Variants in RBM33 observed in about 807,000 individuals in gnomAD.
RBM33 encodes the protein RNA binding motif protein 33.
RBM33 carries 28 observed loss-of-function variants against 132.6 expected under a neutral mutation model. That is an observed-to-expected ratio of 0.21 (90% CI 0.16 to 0.29). RBM33 has a LOEUF of 0.29. Among genes scored for constraint, RBM33 ranks in the 10% least tolerant of loss-of-function variants. RBM33 has a pLI of 1.00. For missense variants in RBM33, 1,291 were observed against 1,518.5 expected (o/e 0.85, Z 2.49); for synonymous variants, 634 against 593.0 (o/e 1.07, Z -1.01).
intron 13 of RBM33, among the ~76,000 whole-genome samples, chr7:155,742,863 T>A (rs920388388): frequency 6.6e-6 from 1 of 152,220 alleles, no homozygotes; most frequent in African/African-American, 2.4e-5. Context: ...GGGCGGCCTG[T>A]GCAGAAGGCT....
chr7:155,775,278 AC>A lies in RBM33; in HGVS notation c.*238del. 1.6e-6 allele frequency: 1 copy of A among 629,162 alleles called. No homozygotes were observed. Among genetic ancestry groups the A allele is most frequent in the African/African-American group, 1.8e-5 (1 of 54,436 alleles). The allele number at this position is 629,162 out of a possible 1,614,324, so 39.0% of individuals were successfully genotyped here. A position where few individuals can be genotyped will look rare whatever the true frequency, so the allele number is the denominator to read the frequency against. On this transcript the variant is annotated 3_prime_UTR_variant, in exon 18 of 18. Coordinates refer to ENST00000401878, the MANE Select transcript of RBM33 (RefSeq NM_053043.3). ...TCACATTCTCTTGTCACCACCAAGA[AC>A]TCCAAGTTTTTCGTTTTGTTTTGTT...
chr7:155,759,649 G>A (rs1046370733), intron 14 of RBM33, among the ~76,000 whole-genome samples: 3 of 152,030 alleles, frequency 2.0e-5, no homozygotes, highest in African/African-American at 7.2e-5. Flanking sequence ...TCGATCTCCT[G>A]ACCTCGTGAT....
At chr7:155,767,866 C>G (rs774808432) in intron 16 of RBM33, among the ~76,000 whole-genome samples, 3 of 152,198 alleles carry the variant, frequency 2.0e-5, no homozygotes, top group Non-Finnish European at 4.4e-5. Flanking sequence ...ACGGTAGACA[C>G]TAGAGCATTT....
At chr7:155,734,785 C>A (rs1479295590) in intron 9 of RBM33, among the ~76,000 whole-genome samples, 2 of 152,056 alleles carry the variant, frequency 1.3e-5, no homozygotes, top group Non-Finnish European at 2.9e-5. Context: ...TATTCAGAAC[C>A]ACCATTGCCA....
intron 13 of RBM33, among the ~76,000 whole-genome samples, chr7:155,742,558 G>T (rs1039250260): frequency 2.0e-5 from 3 of 152,190 alleles, no homozygotes; most frequent in Non-Finnish European, 4.4e-5. Flanking sequence ...AGCCTGTGGG[G>T]TGTCATGTGC....
chr7:155,736,096 A>G (rs1321297490), intron 9 of RBM33, among the ~76,000 whole-genome samples: 2 of 152,234 alleles, frequency 1.3e-5, no homozygotes, highest in Non-Finnish European at 2.9e-5. Flanking sequence ...TTTGTAGCCA[A>G]CAATCTTAAG....
At chr7:155,748,779 G>A (rs1801600434) in intron 14 of RBM33, among the ~76,000 whole-genome samples, 1 of 151,872 alleles carries the variant, frequency 6.6e-6, no homozygotes, top group African/African-American at 2.4e-5. Context: ...CCCCTTTGTG[G>A]CTGCTGCTGC....
intron 6 of RBM33, 130 bp downstream of exon 6, chr7:155,701,074 G>A (rs529949449): frequency 9.2e-6 from 7 of 759,168 alleles, no homozygotes; most frequent in African/African-American, 3.5e-5. Flanking sequence ...GAGAGTGGCC[G>A]GACTTTGGAG....
In RBM33 at chr7:155,776,503, T is replaced by A. The variant is rs1346566651; in HGVS notation, c.*1462T>A. 1.3e-5 allele frequency: 2 copies of A among 152,146 alleles called. No individual in the cohort carries two copies. The highest frequency in any genetic ancestry group is 2.9e-5 in the Non-Finnish European group (2 of 68,044). The allele number at this position is 152,146 out of a possible 1,614,324, so 9.4% of individuals were successfully genotyped here. On this transcript the variant is annotated 3_prime_UTR_variant, in exon 18 of 18. Coordinates refer to ENST00000401878, the MANE Select transcript of RBM33 (RefSeq NM_053043.3). The surrounding 1 kb of genome is among the most constrained non-coding windows in gnomAD (Gnocchi z 4.0). ...GACGTTTTATATTACTTTCTCAAAT[T>A]AAGTTACCAAAACAAACTGAAGAGC... is the stretch of plus-strand genomic sequence containing the variant.
intron 4 of RBM33, among the ~76,000 whole-genome samples, chr7:155,679,726 GT>G (rs1799285899): frequency 6.6e-6 from 1 of 152,096 alleles, no homozygotes; most frequent in African/African-American, 2.4e-5. Context: ...TGACATCACT[GT>G]TATATTTTAA....
At chr7:155,738,592 A>C in intron 11 of RBM33, 189 bp downstream of exon 11, 1 of 600,108 alleles carries the variant, frequency 1.7e-6, no homozygotes, top group South Asian at 2.4e-5. Flanking sequence ...ATACAAGAAA[A>C]AAATGGGAAA....
intron 6 of RBM33, among the ~76,000 whole-genome samples, chr7:155,705,063 A>G (rs1043173774): frequency 2.0e-5 from 3 of 152,184 alleles, no homozygotes; most frequent in Non-Finnish European, 4.4e-5. Flanking sequence ...ATGCAAATAT[A>G]TTTTTCTTAA....
chr7:155,725,078 A>C (rs924819787), intron 9 of RBM33, among the ~76,000 whole-genome samples: 1 of 149,986 alleles, frequency 6.7e-6, no homozygotes, highest in Non-Finnish European at 1.5e-5. Flanking sequence ...GTAAATGCCT[A>C]GGAGTGGATT....
chr7:155,683,187 C>G (rs961438033), intron 5 of RBM33, among the ~76,000 whole-genome samples: 2 of 152,164 alleles, frequency 1.3e-5, no homozygotes, highest in African/African-American at 4.8e-5. Flanking sequence ...ATGGTAACAT[C>G]TGAATGATCT....
chr7:155,758,797 G>A (rs1206454087), intron 14 of RBM33, among the ~76,000 whole-genome samples: 1 of 152,156 alleles, frequency 6.6e-6, no homozygotes, highest in Non-Finnish European at 1.5e-5. Context: ...GTGTCTGCCT[G>A]CCCTGAGGAC....
chr7:155,649,735 A>G lies in RBM33; in HGVS notation c.43+4816A>G, dbSNP rs530754679. On this transcript the variant is annotated intron_variant, in intron 1 of 17. Transcript: ENST00000401878. ...GTCACTGATGTCTCCATTGTGTTGTATCATTGCCCAGCCAGTGATCTGATG... is the reference window on the plus strand; with the variant it reads ...GTCACTGATGTCTCCATTGTGTTGTGTCATTGCCCAGCCAGTGATCTGATG... 9.9e-5 allele frequency among the ~76,000 whole-genome samples: 15 copies of G among 152,230 alleles called. No individual in the cohort carries two copies. In the South Asian group the frequency reaches 2.9e-3, roughly 29 times the overall value.
intron 14 of RBM33, among the ~76,000 whole-genome samples, chr7:155,763,498 A>G (rs1478551196): frequency 6.6e-6 from 1 of 152,266 alleles, no homozygotes; most frequent in East Asian, 1.9e-4. Flanking sequence ...CGTGTTGGAT[A>G]TGAAGTATTT....
intron 1 of RBM33, among the ~76,000 whole-genome samples, chr7:155,647,670 C>T (rs528017938): frequency 8.5e-5 from 13 of 152,250 alleles, no homozygotes; most frequent in East Asian, 1.9e-4. Context: ...GTGATCTGCC[C>T]GCCTCAGCCT....
chr7:155,717,632 C>T (rs1018477938), intron 8 of RBM33, among the ~76,000 whole-genome samples: 2 of 152,080 alleles, frequency 1.3e-5, no homozygotes, highest in East Asian at 1.9e-4. Flanking sequence ...TGCTGTAAGA[C>T]GTAGCTGCAC....
Sources: allele counts gnomAD v4.1 joint callset (sites outside exome capture counted in the v4.1 genomes callset), GRCh38; gene constraint gnomAD v4.1.1; non-coding constraint Gnocchi (gnomAD v3.1); transcripts MANE v1.5; gene names NCBI Gene and HGNC (gene_info 2026-07-23, HGNC 2026-07-21).